Variants in WDFY4 observed in about 807,000 individuals in gnomAD.
WDFY4 encodes WD repeat- and FYVE domain-containing protein 4.
A neutral mutation model predicts 351.9 loss-of-function variants in WDFY4; 169 were observed. That is an observed-to-expected ratio of 0.48 (90% CI 0.42 to 0.55). The LOEUF is 0.55. Among genes scored for constraint, WDFY4 ranks in the 20% least tolerant of loss-of-function variants. WDFY4 has a pLI of 0.00. For missense variants in WDFY4, 3,803 were observed against 3,935.6 expected, an observed-to-expected ratio of 0.97 and a Z score of 0.90; for synonymous variants, 1,622 against 1,574.6, an observed-to-expected ratio of 1.03 and a Z score of -0.71.
chr10:48,741,278 C>T (rs2064840446), intron 11 of WDFY4, among the ~76,000 whole-genome samples: 1 of 151,962 alleles, frequency 6.6e-6, no homozygotes, highest in African/African-American at 2.4e-5. Flanking sequence ...AACACACATT[C>T]TATTGTTTCA....
At chr10:48,965,530 G>A (rs890013292) in intron 54 of WDFY4, among the ~76,000 whole-genome samples, 3 of 152,174 alleles carry the variant, frequency 2.0e-5, no homozygotes, top group Admixed American at 6.5e-5. Flanking sequence ...ATTTGATCCA[G>A]GACTATAACT....
chr10:48,700,968 A>G (rs1157064439), intron 1 of WDFY4, among the ~76,000 whole-genome samples: 1 of 152,266 alleles, frequency 6.6e-6, no homozygotes, highest in Non-Finnish European at 1.5e-5. Context: ...TTAAATGTAT[A>G]GTTCAGTGGC....
In WDFY4 at chr10:48,776,643, G is replaced by C. The variant is rs974519887; in HGVS notation, c.2864-107G>C. The C allele has an allele frequency of 5.2e-6, 6 of 1,149,972 alleles. No individual in the cohort carries two copies. The African/African-American group carries it at 9.3e-5, about 18-fold the overall frequency. 71.2% of individuals were successfully genotyped at this position (1,149,972 alleles called of 1,614,324 possible). A position where few individuals can be genotyped will look rare whatever the true frequency, so the allele number is the denominator to read the frequency against. On this transcript the variant is annotated intron_variant, in intron 15 of 61. Coordinates refer to ENST00000325239, the MANE Select transcript of WDFY4 (RefSeq NM_001394531.1). ...TGCTTAGGAAGTACCTGGTGACTGT[G>C]CGAAACTCTCTTTCTGGGCTGCGGC...
At chr10:48,812,292 C>T (rs548523391) in intron 30 of WDFY4, among the ~76,000 whole-genome samples, 31 of 147,966 alleles carry the variant, frequency 2.1e-4, no homozygotes, top group East Asian at 1.8e-3. Context: ...TGGGTTCAAG[C>T]GATTCTCCCA....
intron 42 of WDFY4, 148 bp downstream of exon 42, chr10:48,875,288 G>A (rs1454494601): frequency 2.6e-6 from 1 of 378,912 alleles, no homozygotes; most frequent in Non-Finnish European, 4.5e-6. Context: ...CACTTCCAGA[G>A]AGAAGACAAG....
chr10:48,766,340 C>A (rs147702398), intron 13 of WDFY4, among the ~76,000 whole-genome samples: 79 of 152,282 alleles, frequency 5.2e-4, no homozygotes, highest in African/African-American at 1.8e-3. Context: ...CCTGTAATTT[C>A]AGCACTTTGG....
chr10:48,845,739 T>C (rs1197321501), intron 39 of WDFY4, among the ~76,000 whole-genome samples: 1 of 152,194 alleles, frequency 6.6e-6, no homozygotes, highest in Non-Finnish European at 1.5e-5. Flanking sequence ...GATGAGGATG[T>C]GTGCAATAAA....
intron 36 of WDFY4, 145 bp from the exon 37 acceptor site, chr10:48,828,633 T>C: frequency 1.9e-6 from 1 of 526,204 alleles, no homozygotes; most frequent in Non-Finnish European, 3.3e-6. Flanking sequence ...TTATAAAGTG[T>C]TTGCTTTAAT....
intron 31 of WDFY4, among the ~76,000 whole-genome samples, chr10:48,814,405 G>A (rs2067553747): frequency 6.6e-6 from 1 of 152,218 alleles, no homozygotes. Flanking sequence ...CTCTCAACGA[G>A]TCCATCTCCT....
intron 13 of WDFY4, among the ~76,000 whole-genome samples, chr10:48,765,243 A>T (rs1377046759): frequency 6.6e-6 from 1 of 152,234 alleles, no homozygotes; most frequent in South Asian, 2.1e-4. Flanking sequence ...CATTGTCATT[A>T]TCACTGTGTT....
At chr10:48,825,105 C>T (rs1477939132) in intron 35 of WDFY4, among the ~76,000 whole-genome samples, 1 of 152,132 alleles carries the variant, frequency 6.6e-6, no homozygotes, top group Non-Finnish European at 1.5e-5. Flanking sequence ...TAATGCTCTC[C>T]CTCTCCCCAC....
Position 48,810,754 on chromosome 10 carries a change from C to T in WDFY4, c.5044+19C>T. 1 of 1,500,228 alleles carries T rather than the reference C, an allele frequency of 6.7e-7. No individual in the cohort carries two copies. Among genetic ancestry groups the T allele is most frequent in the East Asian group, 2.5e-5 (1 of 40,420 alleles). The allele number at this position is 1,500,228 out of a possible 1,614,324, so 92.9% of individuals were successfully genotyped here. A position where few individuals can be genotyped will look rare whatever the true frequency, so the allele number is the denominator to read the frequency against. ...GTAATGGGTGAGCACGTGGCTGTCT[C>T]CAGGGAGTGGGGCACCACCTAGTCC... On this transcript the variant is annotated intron_variant, in intron 29 of 61. Coordinates refer to ENST00000325239, the MANE Select transcript of WDFY4 (RefSeq NM_001394531.1).
Position 48,760,399 on chromosome 10 carries a change from G to T in WDFY4, c.2512G>T (p.Val838Leu). The T allele has an allele frequency of 1.3e-6, 2 of 1,551,670 alleles. No homozygotes were observed. The highest frequency in any genetic ancestry group is 1.7e-6 in the Non-Finnish European group (2 of 1,146,988). ...IMHPGVVCIM[V>L]RLLPRLYHED... ...GCATCCCGGGGTCGTGTGCATCATG[G>T]TGAGGCTGCTGCCTCGGTTGTACCA... Residue 838 changes from valine (V) to leucine (L), a missense_variant, in exon 13 of 62, where the codon GTG becomes TTG. Physicochemically the swap from Val to Leu is conservative, Grantham distance 32 (BLOSUM62 1). Around this residue, in one of 3 missense-constraint regions of WDFY4, gnomAD observed 3,054 missense variants for 3,148.6 expected, o/e 0.97. Transcript: ENST00000325239.
At chr10:48,735,701 T>C (rs2064635739) in intron 10 of WDFY4, among the ~76,000 whole-genome samples, 179 bp from the exon 11 acceptor site, 1 of 152,232 alleles carries the variant, frequency 6.6e-6, no homozygotes, top group Non-Finnish European at 1.5e-5. Flanking sequence ...GTTTCTTTTT[T>C]CTGCTTCTCA....
At chr10:48,910,030 C>T in intron 47 of WDFY4, 1 of 550,518 alleles carries the variant, frequency 1.8e-6, no homozygotes, top group African/African-American at 1.9e-5. Context: ...CAAATATTTC[C>T]CAAAGTCATT....
At chr10:48,718,171 CT>C (rs914043053) in intron 2 of WDFY4, among the ~76,000 whole-genome samples, 1 of 152,106 alleles carries the variant, frequency 6.6e-6, no homozygotes, top group Non-Finnish European at 1.5e-5. Flanking sequence ...CATAAATGAT[CT>C]TTTTTTCAGT....
intron 24 of WDFY4, among the ~76,000 whole-genome samples, chr10:48,800,026 T>C (rs1191461315): frequency 6.6e-6 from 1 of 151,982 alleles, no homozygotes; most frequent in African/African-American, 2.4e-5. Flanking sequence ...GCTGGGACTA[T>C]AGGCATGTGC....
chr10:48,975,107 G>A, intron 58 of WDFY4, 66 bp downstream of exon 58: 1 of 1,548,194 alleles, frequency 6.5e-7, no homozygotes. Context: ...CAACACTCAG[G>A]AGAAAGCCCA....
At chr10:48,713,286 G>C (rs983538368) in intron 2 of WDFY4, among the ~76,000 whole-genome samples, 1 of 152,160 alleles carries the variant, frequency 6.6e-6, no homozygotes, top group South Asian at 2.1e-4. Context: ...TTGACAATGG[G>C]CATTGTCTTG....
Sources: allele counts gnomAD v4.1 joint callset (sites outside exome capture counted in the v4.1 genomes callset), GRCh38; gene constraint gnomAD v4.1.1; regional missense constraint gnomAD v4.1.1; transcripts MANE v1.5; gene names NCBI Gene and HGNC (gene_info 2026-07-23, HGNC 2026-07-21).